Variants in EIF4E1B observed in about 807,000 individuals in gnomAD.
The protein encoded by EIF4E1B is eukaryotic translation initiation factor 4E type 1B.
EIF4E1B carries 22 observed loss-of-function variants against 31.3 expected under a neutral mutation model. The observed-to-expected ratio is 0.70, with a 90% confidence interval of 0.50 to 1.00. The LOEUF (loss-of-function observed/expected upper bound fraction) is 1.00, where lower values mean the gene tolerates loss of function less well. EIF4E1B is among the 50% of genes least tolerant of loss of function. The pLI, the probability that EIF4E1B is intolerant of heterozygous loss-of-function variation, is 0.00. For missense variants in EIF4E1B, 290 were observed against 311.6 expected (o/e 0.93, Z 0.52); for synonymous variants, 126 against 120.2 (o/e 1.05, Z -0.31).
intron 2 of EIF4E1B, among the ~76,000 whole-genome samples, 171 bp from the exon 3 acceptor site, chr5:176,642,539 C>T (rs1760596340): frequency 6.6e-6 from 1 of 152,190 alleles, no homozygotes; most frequent in Non-Finnish European, 1.5e-5. Context: ...CAGATGAATA[C>T]CTGCTCTGAT....
chr5:176,642,861 C>CTT (rs1554151075), intron 3 of EIF4E1B, 59 bp downstream of exon 3: 122 of 1,123,934 alleles, frequency 1.1e-4, no homozygotes, highest in Middle Eastern at 3.2e-4. Context: ...TCCCCCCCCC[C>CTT]CCCCGCCCCA....
In EIF4E1B at chr5:176,643,072, T is replaced by G; in HGVS notation, c.16-10T>G. Reference sequence around the variant, plus strand: ...CTCACAACCCATCCTGACTCCTTTTTTTGGCTCAGGTGAGTGAAGCTGAGG... The same window carrying G: ...CTCACAACCCATCCTGACTCCTTTTGTTGGCTCAGGTGAGTGAAGCTGAGG... On this transcript the variant is annotated splice_polypyrimidine_tract_variant and intron_variant, in intron 3 of 8. Transcript: ENST00000318682. 6.2e-7 allele frequency: 1 copy of G among 1,603,068 alleles called. No individual in the cohort carries two copies. The highest frequency in any genetic ancestry group is 1.1e-5 in the South Asian group (1 of 89,540).
intron 1 of EIF4E1B, among the ~76,000 whole-genome samples, chr5:176,632,001 C>T (rs981848882): frequency 6.6e-6 from 1 of 152,082 alleles, no homozygotes; most frequent in African/African-American, 2.4e-5. Context: ...TGAGCTAGAC[C>T]CATGTGTGCT....
Position 176,645,650 on chromosome 5 carries a change from A to AT in EIF4E1B, c.614+135dup. On this transcript the variant is annotated intron_variant, in intron 8 of 8. Coordinates refer to ENST00000318682, the MANE Select transcript of EIF4E1B (RefSeq NM_001099408.2). The surrounding 1 kb of genome is among the most constrained non-coding windows in gnomAD (Gnocchi z 5.4). ...CCTCCCTTCTGCCTTGCCCACCTGT[A>AT]TGGAAGGTCTGGCGTTCAGATTTCT... 1 of 1,312,554 alleles carries AT rather than the reference A, an allele frequency of 7.6e-7. No individual in the cohort carries two copies. The highest frequency in any genetic ancestry group is 1.0e-6 in the Non-Finnish European group (1 of 985,574). The allele number at this position is 1,312,554 out of a possible 1,614,324, so 81.3% of individuals were successfully genotyped here.
chr5:176,632,484 G>C (rs551514842), intron 1 of EIF4E1B, among the ~76,000 whole-genome samples: 1 of 152,336 alleles, frequency 6.6e-6, no homozygotes, highest in South Asian at 2.1e-4. Context: ...TCGAACTCCT[G>C]ACCACAAGTG....
At chr5:176,637,584 G>T (rs969497144) in intron 1 of EIF4E1B, among the ~76,000 whole-genome samples, 2 of 152,164 alleles carry the variant, frequency 1.3e-5, no homozygotes, top group South Asian at 4.1e-4. Flanking sequence ...GCTGAGGGGG[G>T]TTGGACAGTC....
At chr5:176,639,394 C>G (rs2884529) in intron 1 of EIF4E1B, among the ~76,000 whole-genome samples, 149,061 of 152,304 alleles carry the variant, frequency 0.98, 73,021 homozygotes, top group Middle Eastern at 1. Context: ...AGGGCCTCAG[C>G]GAGGGGCCAG....
chr5:176,642,861 C>CCCA (rs1554151076), intron 3 of EIF4E1B, 59 bp downstream of exon 3: 1 of 1,123,520 alleles, frequency 8.9e-7, no homozygotes, highest in Non-Finnish European at 1.2e-6. Context: ...TCCCCCCCCC[C>CCCA]CCCCGCCCCA....
At chr5:176,644,330 CCTAAAAAGCCTTGA>C in intron 5 of EIF4E1B, 32 bp from the exon 6 acceptor site, 14 of 1,551,598 alleles carry the variant, frequency 9.0e-6, no homozygotes, top group Non-Finnish European at 1.2e-5. Context: ...GGAACCAGGC[CCTAAAAAGCCTTGA>C]CTTTTGGCAT....
At position 176,643,225 on chromosome 5, in the gene EIF4E1B, C is replaced by T. The variant is rs375992710; in HGVS notation, c.159C>T (p.Gly53=). 1 of 1,612,880 alleles carries T rather than the reference C, an allele frequency of 6.2e-7. No individual in the cohort carries two copies. Among genetic ancestry groups the T allele is most frequent in the East Asian group, 2.2e-5 (1 of 44,866 alleles). Residue 53 remains glycine, a synonymous_variant, in exon 4 of 9, where the codon GGC becomes GGT. Transcript: ENST00000318682. ...LSLRGKARTG[G]PMEVKLELHP... is the part of the protein sequence containing the mutation. ...TGAGAGGGAAGGCCCGGACGGGGGGCCCCATGGAAGTCAAGCTGGAGCTGC... is the reference window on the plus strand; with the variant it reads ...TGAGAGGGAAGGCCCGGACGGGGGGTCCCATGGAAGTCAAGCTGGAGCTGC...
chr5:176,643,871 T>A, intron 5 of EIF4E1B, 137 bp downstream of exon 5: 1 of 864,994 alleles, frequency 1.2e-6, no homozygotes, highest in African/African-American at 1.7e-5. Flanking sequence ...GCCCAGGGGG[T>A]ATAGGGCACA....
In EIF4E1B at chr5:176,643,699, G is replaced by C. The variant is rs1760638891; in HGVS notation, c.261G>C (p.Leu87=). 6.2e-7 allele frequency: 1 copy of C among 1,613,162 alleles called. No homozygotes were observed. The highest frequency in any genetic ancestry group is 2.2e-5 in the East Asian group (1 of 44,870). ...RSRAWQDNLH[L]VTKVDTVEDF... ...GGGCCTGGCAGGACAACCTGCACCT[G>C]GTCACCAAGGTGGACACTGTGGAGG... Residue 87 remains leucine (L), a synonymous_variant, in exon 5 of 9, where the codon CTG becomes CTC. Coordinates refer to ENST00000318682, the MANE Select transcript of EIF4E1B (RefSeq NM_001099408.2).
intron 5 of EIF4E1B, 97 bp from the exon 6 acceptor site, chr5:176,644,279 C>A: frequency 7.8e-7 from 1 of 1,279,724 alleles, no homozygotes; most frequent in Non-Finnish European, 1.1e-6. Flanking sequence ...GGCTTGGAGG[C>A]CATGGGGTCG....
Position 176,646,285 on chromosome 5 carries a change from T to C in EIF4E1B, c.*305T>C, listed in dbSNP as rs1011896884. The C allele has an allele frequency of 6.5e-6, 2 of 307,990 alleles. No individual in the cohort carries two copies. Among genetic ancestry groups the C allele is most frequent in the Non-Finnish European group, 1.2e-5 (2 of 160,428 alleles). The allele number at this position is 307,990 out of a possible 1,614,324, so 19.1% of individuals were successfully genotyped here. A position where few individuals can be genotyped will look rare whatever the true frequency, so the allele number is the denominator to read the frequency against. ...GCTCTATGGTAGGCGGAGAAACCCATAGTCCAGCGTTTACTGTTTCCACCC... is the reference window on the plus strand; with the variant it reads ...GCTCTATGGTAGGCGGAGAAACCCACAGTCCAGCGTTTACTGTTTCCACCC... On this transcript the variant is annotated 3_prime_UTR_variant, in exon 9 of 9. Transcript: ENST00000318682.
chr5:176,639,908 C>T (rs1339198097), intron 1 of EIF4E1B, among the ~76,000 whole-genome samples: 1 of 152,088 alleles, frequency 6.6e-6, no homozygotes, highest in Non-Finnish European at 1.5e-5. Flanking sequence ...GGCAACAGAG[C>T]AAGACACTGT....
At position 176,645,170 on chromosome 5, in the gene EIF4E1B, G is replaced by C; in HGVS notation, c.401G>C (p.Arg134Pro). The change falls in exon 7 of 9, where the codon CGG (arginine) becomes CCG (proline). Residue 134 changes from arginine (R) to proline (P), a missense_variant. Transcript: ENST00000318682. This position sits in a 1 kb window ranked among gnomAD's most constrained non-coding sequence, Gnocchi z 5.4. ...ATGTGGGAGGACAGCAGGAATAAAC[G>C]GGGTGGCCGCTGGCTGGTCAGCCTG... Reference protein sequence around the residue: ...QPMWEDSRNKRGGRWLVSLAK... With the variant: ...QPMWEDSRNKPGGRWLVSLAK... The C allele has an allele frequency of 6.3e-7, 1 of 1,577,558 alleles. No individual in the cohort carries two copies. The highest frequency in any genetic ancestry group is 8.6e-7 in the Non-Finnish European group (1 of 1,161,794).
Position 176,645,434 on chromosome 5 carries a change from G to A in EIF4E1B, c.532G>A (p.Val178Ile), listed in dbSNP as rs756991362. 9.2e-6 allele frequency: 14 copies of A among 1,514,758 alleles called. No individual in the cohort carries two copies. The highest frequency in any genetic ancestry group is 2.3e-5 in the Admixed American group (1 of 44,296). The allele number at this position is 1,514,758 out of a possible 1,614,324, so 93.8% of individuals were successfully genotyped here. ...EEHSREVCGAVVNIRTKGDKI... is the reference protein window; with the variant it reads ...EEHSREVCGAIVNIRTKGDKI... ...ACACAGCAGAGAGGTATGTGGGGCC[G>A]TCGTCAACATCCGCACCAAGGGGGA... The change falls in exon 8 of 9, where the codon GTC becomes ATC. Residue 178 changes from valine to isoleucine, a missense_variant. By Grantham distance (29) the Val-to-Ile change is conservative (BLOSUM62 3). Coordinates refer to ENST00000318682, the MANE Select transcript of EIF4E1B (RefSeq NM_001099408.2). The surrounding 1 kb of genome is among the most constrained non-coding windows in gnomAD (Gnocchi z 5.4).
chr5:176,642,861 C>CCCT, intron 3 of EIF4E1B, 59 bp downstream of exon 3: 2 of 1,123,524 alleles, frequency 1.8e-6, no homozygotes, highest in Non-Finnish European at 2.3e-6. Context: ...TCCCCCCCCC[C>CCCT]CCCCGCCCCA....
At position 176,645,284 on chromosome 5, in the gene EIF4E1B, T is replaced by C. The variant is rs1200549068; in HGVS notation, c.474+41T>C. Reference sequence around the variant, plus strand: ...AGGGTCCTCAGGGGAAGAGACGGGCTGTGTGGGTCTCATGGTGGCAGTGGT... The same window carrying C: ...AGGGTCCTCAGGGGAAGAGACGGGCCGTGTGGGTCTCATGGTGGCAGTGGT... On this transcript the variant is annotated intron_variant, in intron 7 of 8. Transcript: ENST00000318682. The surrounding 1 kb of genome is among the most constrained non-coding windows in gnomAD (Gnocchi z 5.4). The C allele has an allele frequency of 6.3e-7, 1 of 1,594,726 alleles. No individual in the cohort carries two copies. The highest frequency in any genetic ancestry group is 8.6e-7 in the Non-Finnish European group (1 of 1,167,052).
Sources: gnomAD v4.1 joint callset for allele counts (sites outside exome capture counted in the v4.1 genomes callset) on GRCh38, gnomAD v4.1.1 for gene constraint, Gnocchi (gnomAD v3.1) non-coding constraint, MANE v1.5 for transcripts, NCBI Gene and HGNC (gene_info 2026-07-23, HGNC 2026-07-21) for gene names.